The following GLCE variants were observed in gnomAD, a reference collection of about 807,000 sequenced individuals.
The protein encoded by GLCE is glucuronic acid epimerase.
A neutral mutation model predicts 47.9 loss-of-function variants in GLCE; 19 were observed. The observed-to-expected ratio is 0.40, with a 90% CI of 0.28 to 0.58. The LOEUF (loss-of-function observed/expected upper bound fraction) is 0.58. Among genes scored for constraint, GLCE ranks in the 20% least tolerant of loss-of-function variants. The pLI is 0.48. For synonymous variants in GLCE, 245 were observed against 263.4 expected (o/e 0.93, Z 0.68); for missense variants, 556 against 743.3 (o/e 0.75, Z 2.93).
chr15:69,195,542 A>AT (rs1362765964), intron 1 of GLCE, among the ~76,000 whole-genome samples: 7 of 152,090 alleles, frequency 4.6e-5, no homozygotes, highest in Admixed American at 6.6e-5. Context: ...TTTGTGACAT[A>AT]TTGTATGTGG....
chr15:69,265,320 G>A (rs1437658469), intron 4 of GLCE, among the ~76,000 whole-genome samples: 31 of 152,072 alleles, frequency 2.0e-4, no homozygotes, highest in Non-Finnish European at 1.5e-5. Context: ...AGTACCTCCA[G>A]TAGAGCTCAG....
intron 2 of GLCE, among the ~76,000 whole-genome samples, chr15:69,226,501 T>C (rs2052449516): frequency 6.6e-6 from 1 of 152,202 alleles, no homozygotes; most frequent in African/African-American, 2.4e-5. Flanking sequence ...GTTTTTACTT[T>C]GTCCATAGTG....
intron 2 of GLCE, among the ~76,000 whole-genome samples, chr15:69,215,665 CTG>C (rs2052297423): frequency 6.6e-6 from 1 of 151,990 alleles, no homozygotes; most frequent in South Asian, 2.1e-4. Context: ...TTATAAGAAA[CTG>C]TTAAACTATT....
At chr15:69,213,146 G>GT (rs571059532) in intron 2 of GLCE, among the ~76,000 whole-genome samples, 2 of 151,908 alleles carry the variant, frequency 1.3e-5, no homozygotes, top group Admixed American at 6.6e-5. Context: ...AGTACAGAGA[G>GT]TTTTTTTAAT....
At chr15:69,170,909 C>T (rs2051579375) in intron 1 of GLCE, among the ~76,000 whole-genome samples, 2 of 152,126 alleles carry the variant, frequency 1.3e-5, no homozygotes, top group African/African-American at 4.8e-5. Context: ...CAGATGATAC[C>T]TGAAAGAAGC....
chr15:69,243,309 T>G (rs1294829542), intron 2 of GLCE, among the ~76,000 whole-genome samples: 8 of 152,178 alleles, frequency 5.3e-5, no homozygotes, highest in Non-Finnish European at 4.4e-5. Context: ...CCCCAACTTC[T>G]AGTTCTGTTC....
chr15:69,229,363 G>C (rs1366020925), intron 2 of GLCE, among the ~76,000 whole-genome samples: 1 of 152,154 alleles, frequency 6.6e-6, no homozygotes, highest in Non-Finnish European at 1.5e-5. Context: ...AATGTTTCCA[G>C]GCCATAGCAC....
At chr15:69,204,437 C>T (rs905290261) in intron 1 of GLCE, among the ~76,000 whole-genome samples, 1 of 151,800 alleles carries the variant, frequency 6.6e-6, no homozygotes, top group Admixed American at 6.6e-5. Flanking sequence ...CGTGTGCCAC[C>T]ACACCCAGCT....
At chr15:69,179,019 C>A (rs755806222) in intron 1 of GLCE, among the ~76,000 whole-genome samples, 2 of 152,028 alleles carry the variant, frequency 1.3e-5, no homozygotes, top group Non-Finnish European at 2.9e-5. Flanking sequence ...TATGGTATGC[C>A]GCTTATATTG....
chr15:69,206,461 ATATCTATATGT>A (rs1420792825), intron 1 of GLCE, among the ~76,000 whole-genome samples: 1 of 152,048 alleles, frequency 6.6e-6, no homozygotes, highest in Non-Finnish European at 1.5e-5. Context: ...TGGATAGGGT[ATATCTATATGT>A]TATTAAGTTT....
intron 1 of GLCE, among the ~76,000 whole-genome samples, chr15:69,184,960 G>C (rs1027884502): frequency 1.4e-4 from 22 of 152,176 alleles, no homozygotes; most frequent in Admixed American, 1.2e-3. Flanking sequence ...TCTCATATCT[G>C]AGTCAGTTTC....
intron 2 of GLCE, among the ~76,000 whole-genome samples, chr15:69,219,857 T>C (rs1267342328): frequency 6.6e-6 from 1 of 152,144 alleles, no homozygotes; most frequent in Non-Finnish European, 1.5e-5. Context: ...TGAAACTCTG[T>C]ACTGATTAAT....
chr15:69,232,576 G>A (rs1209085820), intron 2 of GLCE, among the ~76,000 whole-genome samples: 4 of 152,062 alleles, frequency 2.6e-5, no homozygotes, highest in African/African-American at 9.7e-5. Context: ...AATATTTCAA[G>A]TACTTTTTAA....
chr15:69,240,672 A>G lies in GLCE; in HGVS notation c.-13-15122A>G, dbSNP rs534113877. On this transcript the variant is annotated intron_variant, in intron 2 of 4. Coordinates refer to ENST00000261858, the MANE Select transcript of GLCE (RefSeq NM_015554.3). ...ATAAAATAGAAACTAAATAGGCAGT[A>G]TATAGATTAAACTGTACCAGAAGCA... Among the ~76,000 whole-genome samples the G allele has an allele frequency of 2.6e-5, 4 of 152,332 alleles. No individual in the cohort carries two copies. In the South Asian group the frequency reaches 6.2e-4, roughly 24 times the overall value.
chr15:69,215,539 G>GGTGTGTGT (rs57115250), intron 2 of GLCE, among the ~76,000 whole-genome samples: 4,849 of 148,984 alleles, frequency 0.033, 254 homozygotes, highest in African/African-American at 0.11. Context: ...TTACATAAAG[G>GGTGTGTGT]GTGTGTGTGT....
At chr15:69,182,262 C>A (rs553058667) in intron 1 of GLCE, among the ~76,000 whole-genome samples, 6 of 147,002 alleles carry the variant, frequency 4.1e-5, no homozygotes, top group African/African-American at 1.3e-4. Context: ...TATCAGACAT[C>A]GTGTATTTGT....
At chr15:69,264,969 CCTATT>C (rs2053065206) in intron 4 of GLCE, among the ~76,000 whole-genome samples, 1 of 152,050 alleles carries the variant, frequency 6.6e-6, no homozygotes, top group Non-Finnish European at 1.5e-5. Context: ...CATATTCTCT[CCTATT>C]CTATAGGTTG....
At chr15:69,203,532 T>C (rs569645578) in intron 1 of GLCE, among the ~76,000 whole-genome samples, 1 of 152,234 alleles carries the variant, frequency 6.6e-6, no homozygotes, top group Non-Finnish European at 1.5e-5. Context: ...TGGGTTTTAA[T>C]GGGTGTCAAA....
chr15:69,211,414 G>A (rs1168326844), intron 2 of GLCE, among the ~76,000 whole-genome samples: 1 of 151,920 alleles, frequency 6.6e-6, no homozygotes, highest in African/African-American at 2.4e-5. Context: ...AAATGGTTTA[G>A]CATATATGAA....
Sources: gnomAD v4.1 joint callset for allele counts (sites outside exome capture counted in the v4.1 genomes callset) on GRCh38, gnomAD v4.1.1 for gene constraint, MANE v1.5 for transcripts, NCBI Gene and HGNC (gene_info 2026-07-23, HGNC 2026-07-21) for gene names.